The following SNTG2 variants were observed in gnomAD, a reference collection of about 807,000 sequenced individuals.
SNTG2 encodes the protein gamma-2-syntrophin.
SNTG2 carries 74 observed loss-of-function variants against 70.9 expected under a neutral mutation model. The ratio of observed to expected loss-of-function variants is 1.04; its 90% CI spans 0.86 to 1.27. The LOEUF (loss-of-function observed/expected upper bound fraction) is 1.27, where lower values mean the gene tolerates loss of function less well. Ranked by LOEUF, SNTG2 falls within the 50% of genes most tolerant of loss-of-function variation. The pLI, the probability that SNTG2 is intolerant of heterozygous loss-of-function variation, is 0.00. For missense variants in SNTG2, 717 were observed against 690.7 expected (o/e 1.04, Z -0.43); for synonymous variants, 278 against 273.8 (o/e 1.02, Z -0.15).
chr2:962,335 G>T (rs1255025095), intron 1 of SNTG2, among the ~76,000 whole-genome samples: 3 of 152,122 alleles, frequency 2.0e-5, no homozygotes, highest in Non-Finnish European at 4.4e-5. Context: ...GCCTCCCAAA[G>T]TGCTGAGATT....
chr2:1,151,380 T>C (rs912506100), intron 6 of SNTG2, among the ~76,000 whole-genome samples: 1 of 83,340 alleles, frequency 1.2e-5, no homozygotes, highest in African/African-American at 5.1e-5. Context: ...TTGGTGGTGC[T>C]TTGTTGTTTG....
rs993624248 is a variant in SNTG2, at chr2:1,367,558, G to T, written c.*84G>T. On this transcript the variant is annotated 3_prime_UTR_variant, in exon 17 of 17. Transcript: ENST00000308624. ...CTGCAGAATATTGCAACTTTGTGTT[G>T]TTTTATGATGAGCCTATAGTTGTGA... The T allele has an allele frequency of 6.8e-7, 1 of 1,466,412 alleles. No homozygotes were observed. The highest frequency in any genetic ancestry group is 9.2e-7 in the Non-Finnish European group (1 of 1,086,664). The allele number at this position is 1,466,412 out of a possible 1,614,324, so 90.8% of individuals were successfully genotyped here.
chr2:1,331,948 G>A (rs1659554596), intron 16 of SNTG2, among the ~76,000 whole-genome samples: 1 of 151,990 alleles, frequency 6.6e-6, no homozygotes, highest in Non-Finnish European at 1.5e-5. Flanking sequence ...GTGCCTGCTT[G>A]GCTGCCTCTT....
chr2:1,346,437 A>T (rs1660279318), intron 16 of SNTG2: 2 of 152,300 alleles, frequency 1.3e-5, no homozygotes, highest in Non-Finnish European at 2.9e-5. Flanking sequence ...TGATGTCCGG[A>T]CTTGCTCAAG....
At chr2:1,348,910 AT>A (rs1270529318) in intron 16 of SNTG2, among the ~76,000 whole-genome samples, 14 of 152,220 alleles carry the variant, frequency 9.2e-5, no homozygotes, top group Admixed American at 5.9e-4. Context: ...TTTAAAAATA[AT>A]CTTGTTATAG....
chr2:1,356,601 G>C (rs985601825), intron 16 of SNTG2, among the ~76,000 whole-genome samples: 10 of 152,240 alleles, frequency 6.6e-5, no homozygotes, highest in African/African-American at 1.9e-4. Flanking sequence ...TTTAGAGTAA[G>C]GAAGTGAGAT....
chr2:1,103,347 T>A (rs989886059), intron 4 of SNTG2: 2 of 274,372 alleles, frequency 7.3e-6, no homozygotes, highest in Non-Finnish European at 1.5e-5. Context: ...TTCAATTCAT[T>A]AACCTTTCAA....
rs191257233 is a variant in SNTG2, at chr2:1,233,379, C to T, written c.720-4509C>T. 2.6e-3 allele frequency among the ~76,000 whole-genome samples: 389 copies of T among 152,256 alleles called. 2 individuals are homozygous for T. Among genetic ancestry groups the T allele is most frequent in the South Asian group, 0.011 (52 of 4,824 alleles). On this transcript the variant is annotated intron_variant, in intron 9 of 16. Transcript: ENST00000308624. ...CAGATGATTTGAAAAAGGGTCAAAT[C>T]TGTTGAGGTGTGTTTTGTGACAGGA...
chr2:1,004,042 T>A (rs1659489361), intron 1 of SNTG2, among the ~76,000 whole-genome samples: 1 of 152,174 alleles, frequency 6.6e-6, no homozygotes, highest in Non-Finnish European at 1.5e-5. Flanking sequence ...AAAGCAGCTG[T>A]GATAAAAGGA....
intron 14 of SNTG2, among the ~76,000 whole-genome samples, chr2:1,307,628 A>C (rs1056118253): frequency 2.0e-5 from 3 of 152,114 alleles, no homozygotes; most frequent in South Asian, 2.1e-4. Flanking sequence ...TTCTCTTCTA[A>C]ATGGGAACAT....
Position 994,872 on chromosome 2 carries a change from G to A in SNTG2, c.72+43804G>A, listed in dbSNP as rs568361784. Among the ~76,000 whole-genome samples, 30 of 150,320 alleles carry A rather than the reference G, an allele frequency of 2.0e-4. No individual in the cohort carries two copies. The South Asian group carries it at 6.1e-3, about 31-fold the overall frequency. On this transcript the variant is annotated intron_variant, in intron 1 of 16. Coordinates refer to ENST00000308624, the MANE Select transcript of SNTG2 (RefSeq NM_018968.4). ...AATTTTAGTTTTTAGAATGTTAATT[G>A]CAAACATATATAAATACAATTGGCT...
intron 16 of SNTG2, among the ~76,000 whole-genome samples, chr2:1,364,122 C>T (rs1317082969): frequency 6.7e-6 from 1 of 148,164 alleles, no homozygotes; most frequent in Non-Finnish European, 1.5e-5. Flanking sequence ...AGGCACCTGC[C>T]ACCATGCCCA....
chr2:1,201,141 A>C (rs1673250759), intron 8 of SNTG2, among the ~76,000 whole-genome samples: 1 of 152,048 alleles, frequency 6.6e-6, no homozygotes, highest in African/African-American at 2.4e-5. Context: ...ATGTGGTGTT[A>C]ACCTAAGTGT....
chr2:1,173,694 T>A (rs1671279700), intron 8 of SNTG2, among the ~76,000 whole-genome samples: 1 of 152,150 alleles, frequency 6.6e-6, no homozygotes. Context: ...AAGCCTGGGC[T>A]CTGAGAGAAC....
chr2:1,047,870 G>T (rs904821634), intron 1 of SNTG2, among the ~76,000 whole-genome samples: 1 of 151,960 alleles, frequency 6.6e-6, no homozygotes, highest in African/African-American at 2.4e-5. Flanking sequence ...CACAGAAAAT[G>T]CTGAATGCCA....
At chr2:1,019,059 C>T (rs1326730025) in intron 1 of SNTG2, among the ~76,000 whole-genome samples, 1 of 152,208 alleles carries the variant, frequency 6.6e-6, no homozygotes. Context: ...GGCATCAGCT[C>T]TTCGAGCAGG....
At chr2:1,314,862 C>CAT (rs1572968850) in intron 15 of SNTG2, among the ~76,000 whole-genome samples, 1 of 152,102 alleles carries the variant, frequency 6.6e-6, no homozygotes, top group East Asian at 1.9e-4. Flanking sequence ...GGAACTGCCC[C>CAT]TTATAAAACC....
chr2:1,052,584 T>G (rs1312949695), intron 1 of SNTG2, among the ~76,000 whole-genome samples: 1 of 152,202 alleles, frequency 6.6e-6, no homozygotes, highest in East Asian at 1.9e-4. Context: ...CTTATTTCCT[T>G]TATTCTCTTT....
chr2:952,087 C>T (rs1182654898), intron 1 of SNTG2, among the ~76,000 whole-genome samples: 4 of 152,202 alleles, frequency 2.6e-5, no homozygotes, highest in African/African-American at 9.7e-5. Flanking sequence ...ATTCAAGTAG[C>T]ACCTTTCTGG....
Sources: allele counts gnomAD v4.1 joint callset (sites outside exome capture counted in the v4.1 genomes callset), GRCh38; gene constraint gnomAD v4.1.1; transcripts MANE v1.5; gene names NCBI Gene and HGNC (gene_info 2026-07-23, HGNC 2026-07-21).